TAF3: variants seen among roughly 807,000 people sequenced by gnomAD.
TAF3 encodes the protein TATA-box binding protein associated factor 3, also known as transcription initiation factor TFIID subunit 3.
A neutral mutation model predicts 80.6 loss-of-function variants in TAF3; 7 were observed. The ratio of observed to expected loss-of-function variants is 0.09; its 90% CI spans 0.05 to 0.16. The LOEUF (loss-of-function observed/expected upper bound fraction) is 0.16, where lower values mean the gene tolerates loss of function less well. TAF3 is among the 10% of genes least tolerant of loss of function. The probability of loss-of-function intolerance (pLI) is 1.00; values close to 1 mark genes in which losing one functional copy is unlikely to be tolerated. For synonymous variants in TAF3, 444 were observed against 446.1 expected, an observed-to-expected ratio of 1.00 and a Z score of 0.06; for missense variants, 921 against 1,140.2, an observed-to-expected ratio of 0.81 and a Z score of 2.77.
chr10:7,936,100 C>G, intron 2 of TAF3, among the ~76,000 whole-genome samples: 1 of 152,130 alleles, frequency 6.6e-6, no homozygotes, highest in East Asian at 1.9e-4. Flanking sequence ...AGACGTGACT[C>G]TAACCACAGT....
chr10:8,002,684 T>A (rs1339210961), intron 4 of TAF3, among the ~76,000 whole-genome samples: 1 of 152,226 alleles, frequency 6.6e-6, no homozygotes, highest in Non-Finnish European at 1.5e-5. Context: ...AGATTTTTTT[T>A]AAATGTCCAT....
At chr10:7,947,595 G>A (rs141340637) in intron 2 of TAF3, among the ~76,000 whole-genome samples, 24 of 152,322 alleles carry the variant, frequency 1.6e-4, no homozygotes, top group Admixed American at 1.2e-3. Context: ...AGAAGCAGCC[G>A]TGAGCCGACC....
At chr10:7,880,267 C>T (rs957676182) in intron 2 of TAF3, among the ~76,000 whole-genome samples, 2 of 152,124 alleles carry the variant, frequency 1.3e-5, no homozygotes, top group African/African-American at 4.8e-5. Flanking sequence ...ACTCAAGTAA[C>T]TTACTCCTTA....
intron 2 of TAF3, among the ~76,000 whole-genome samples, chr10:7,875,915 C>T (rs184263873): frequency 5.9e-5 from 9 of 151,750 alleles, no homozygotes; most frequent in South Asian, 2.1e-4. Context: ...CTAATTTTAC[C>T]GACAGAAAAT....
chr10:8,000,817 T>C (rs1269629348), intron 4 of TAF3, among the ~76,000 whole-genome samples: 2 of 152,198 alleles, frequency 1.3e-5, no homozygotes, highest in African/African-American at 4.8e-5. Flanking sequence ...ATAATTTTCA[T>C]GTAAAGGCAA....
intron 2 of TAF3, among the ~76,000 whole-genome samples, chr10:7,950,830 G>T (rs1361121469): frequency 2.0e-5 from 3 of 152,168 alleles, no homozygotes; most frequent in African/African-American, 7.2e-5. Context: ...TTCTCATTCT[G>T]TGCTTTTGTT....
chr10:7,884,295 A>T (rs1286542703), intron 2 of TAF3, among the ~76,000 whole-genome samples: 2 of 151,952 alleles, frequency 1.3e-5, no homozygotes, highest in Non-Finnish European at 2.9e-5. Context: ...TTCTTTGGAC[A>T]GTCCCTTACT....
intron 2 of TAF3, among the ~76,000 whole-genome samples, chr10:7,877,628 A>G (rs577505261): frequency 1.4e-4 from 22 of 152,284 alleles, no homozygotes; most frequent in African/African-American, 5.3e-4. Flanking sequence ...TCCCTTTATC[A>G]TTATCTTGTA....
intron 2 of TAF3, among the ~76,000 whole-genome samples, chr10:7,852,966 T>C (rs957760517): frequency 1.3e-5 from 2 of 152,236 alleles, no homozygotes; most frequent in African/African-American, 4.8e-5. Flanking sequence ...AAAGTATCAT[T>C]ATGATCTCAT....
chr10:7,842,999 C>T (rs902926111), intron 2 of TAF3, among the ~76,000 whole-genome samples: 10 of 152,186 alleles, frequency 6.6e-5, no homozygotes, highest in Admixed American at 2.0e-4. Flanking sequence ...GGAATTCTGA[C>T]ATGCTTTGCA....
intron 2 of TAF3, chr10:7,833,900 C>T: frequency 1.3e-6 from 1 of 768,406 alleles, no homozygotes. Context: ...CCTTCAGCCG[C>T]TGCACAGTGC....
intron 2 of TAF3, among the ~76,000 whole-genome samples, chr10:7,842,576 CTA>C (rs147922278): frequency 3.3e-5 from 5 of 150,026 alleles, no homozygotes; most frequent in Admixed American, 6.7e-5. Context: ...GGGCTTAAAG[CTA>C]TATATATATA....
chr10:7,927,080 TAAAG>T (rs1189262612), intron 2 of TAF3, among the ~76,000 whole-genome samples: 6 of 152,150 alleles, frequency 3.9e-5, no homozygotes, highest in Non-Finnish European at 8.8e-5. Flanking sequence ...TATCAAATGA[TAAAG>T]AAACAAGCAC....
chr10:7,939,696 T>G (rs1564367547), intron 2 of TAF3, among the ~76,000 whole-genome samples: 1 of 146,958 alleles, frequency 6.8e-6, no homozygotes, highest in Non-Finnish European at 1.5e-5. Context: ...CCAGAGCAAG[T>G]TAGAAATTAA....
At chr10:8,006,341 A>G (rs1588348279) in intron 4 of TAF3, among the ~76,000 whole-genome samples, 1 of 150,978 alleles carries the variant, frequency 6.6e-6, no homozygotes, top group Non-Finnish European at 1.5e-5. Context: ...GCGCCATTAC[A>G]CTCCAGCCTA....
At chr10:7,994,015 T>TC (rs1831860084) in intron 4 of TAF3, among the ~76,000 whole-genome samples, 1 of 144,968 alleles carries the variant, frequency 6.9e-6, no homozygotes, top group South Asian at 2.4e-4. Flanking sequence ...TCTCTTTTTC[T>TC]CCCCCATCCC....
At position 7,873,625 on chromosome 10, in the gene TAF3, C is replaced by A. The variant is rs112273639; in HGVS notation, c.409+49065C>A. Among the ~76,000 whole-genome samples, 24 of 126,958 alleles carry A rather than the reference C, an allele frequency of 1.9e-4. 2 individuals carry two copies. The highest frequency in any genetic ancestry group is 4.9e-4 in the African/African-American group (17 of 34,854). The allele number at this position is 126,958 out of a possible 152,430, so 83.3% of individuals were successfully genotyped here. ...GGAAGACATCCGAGTTCTCCCCCCC[C>A]CCCCGTCAAAAGGGGGTGTCGAATT... On this transcript the variant is annotated intron_variant, in intron 2 of 6. Coordinates refer to ENST00000344293, the MANE Select transcript of TAF3 (RefSeq NM_031923.4).
intron 4 of TAF3, among the ~76,000 whole-genome samples, chr10:8,006,029 CATT>C (rs1193556761): frequency 1.3e-5 from 2 of 152,126 alleles, no homozygotes; most frequent in Non-Finnish European, 2.9e-5. Context: ...CTCATGTGGT[CATT>C]ATGAAAAACA....
At chr10:7,921,660 C>G (rs1433047776) in intron 2 of TAF3, among the ~76,000 whole-genome samples, 1 of 151,914 alleles carries the variant, frequency 6.6e-6, no homozygotes, top group Non-Finnish European at 1.5e-5. Flanking sequence ...GGGTCACCAC[C>G]AAAGTTTGAA....
Sources: allele counts gnomAD v4.1 joint callset (sites outside exome capture counted in the v4.1 genomes callset), GRCh38; gene constraint gnomAD v4.1.1; transcripts MANE v1.5; gene names NCBI Gene and HGNC (gene_info 2026-07-23, HGNC 2026-07-21).